CENPE: variants seen among roughly 807,000 people sequenced by gnomAD.
CENPE encodes centromere protein E, also known as centromere-associated protein E.
Under a neutral mutation model 336.1 loss-of-function variants are expected in CENPE, and 145 were observed. That is an observed-to-expected ratio of 0.43 (90% CI 0.38 to 0.50). The LOEUF is 0.50. Among genes scored for constraint, CENPE ranks in the 20% least tolerant of loss-of-function variants. CENPE has a pLI of 0.00. For synonymous variants in CENPE, 1,013 were observed against 984.8 expected, an observed-to-expected ratio of 1.03 and a Z score of -0.54; for missense variants, 2,719 against 3,023.3, an observed-to-expected ratio of 0.90 and a Z score of 2.36.
At chr4:103,181,218 T>C (rs2126020028) in intron 12 of CENPE, 119 bp downstream of exon 12, 2 of 616,796 alleles carry the variant, frequency 3.2e-6, no homozygotes, top group Non-Finnish European at 4.9e-6. Context: ...TTAAAAGTGA[T>C]TAAAAACCTA....
At chr4:103,121,159 A>G (rs1750585912) in intron 43 of CENPE, among the ~76,000 whole-genome samples, 1 of 152,216 alleles carries the variant, frequency 6.6e-6, no homozygotes, top group Non-Finnish European at 1.5e-5. Context: ...AAACTTTTTC[A>G]GGTGTATCCT....
At chr4:103,183,645 T>C (rs553600276) in intron 9 of CENPE, among the ~76,000 whole-genome samples, 1 of 152,230 alleles carries the variant, frequency 6.6e-6, no homozygotes, top group Non-Finnish European at 1.5e-5. Context: ...TACAACCAAA[T>C]TAGCCTCTAA....
Position 103,145,574 on chromosome 4 carries a change from T to C in CENPE, c.4521A>G (p.Ile1507Met). The C allele has an allele frequency of 6.2e-7, 1 of 1,609,894 alleles. No individual in the cohort carries two copies. The change falls in exon 31 of 49, where the codon ATA becomes ATG. Residue 1507 changes from isoleucine (I) to methionine (M), a missense_variant. Physicochemically the swap from Ile to Met is conservative, Grantham distance 10 (BLOSUM62 1). This residue lies in a region of CENPE where 2,437 missense variants were observed against 2,513.3 expected (regional missense o/e 0.97). Transcript: ENST00000265148. ...RVNLSEKETE[I>M]STIQKQLEAI... ...CTTCTAACTGCTTTTGAATGGTTGA[T>C]ATTTCAGTTTCCTTCTCTGAAAGAT...
chr4:103,180,248 CAT>C, intron 13 of CENPE, 61 bp downstream of exon 13: 18 of 1,432,428 alleles, frequency 1.3e-5, no homozygotes, highest in Non-Finnish European at 1.7e-5. Context: ...ATATAATAAA[CAT>C]ATAGAAATAC....
chr4:103,147,687 T>C, intron 28 of CENPE, 41 bp from the exon 29 acceptor site: 2 of 1,549,144 alleles, frequency 1.3e-6, no homozygotes, highest in Non-Finnish European at 1.7e-6. Flanking sequence ...TATCAGGAGA[T>C]TATGATCATA....
chr4:103,164,813 T>C (rs1003201442), intron 16 of CENPE, among the ~76,000 whole-genome samples: 1 of 152,146 alleles, frequency 6.6e-6, no homozygotes, highest in African/African-American at 2.4e-5. Flanking sequence ...CTTAGACATT[T>C]GTACTGCTTT....
In CENPE at chr4:103,176,886, A is replaced by G. The variant is rs1458593357; in HGVS notation, c.1390+13T>C. On this transcript the variant is annotated intron_variant, in intron 14 of 48. Transcript: ENST00000265148. Reference sequence around the variant, plus strand: ...TATAATTAAACATAGTTCCACTTGAAAAAAGCACTCACATTCATCAATTTC... The same window carrying G: ...TATAATTAAACATAGTTCCACTTGAGAAAAGCACTCACATTCATCAATTTC... 1 of 1,558,852 alleles carries G rather than the reference A, an allele frequency of 6.4e-7. No individual in the cohort carries two copies. Among genetic ancestry groups the G allele is most frequent in the South Asian group, 1.2e-5 (1 of 84,036 alleles).
chr4:103,185,740 C>G, intron 9 of CENPE, 70 bp downstream of exon 9: 2 of 901,448 alleles, frequency 2.2e-6, no homozygotes, highest in Non-Finnish European at 3.4e-6. Context: ...CTAAAAATGC[C>G]TGGTAGTACT....
chr4:103,135,402 G>C (rs1476700980), intron 40 of CENPE, among the ~76,000 whole-genome samples: 1 of 151,780 alleles, frequency 6.6e-6, no homozygotes, highest in Non-Finnish European at 1.5e-5. Context: ...TTTTATTTTT[G>C]AATCTCAGTT....
intron 36 of CENPE, 50 bp downstream of exon 36, chr4:103,140,764 T>C (rs752951865): frequency 1.5e-5 from 22 of 1,475,600 alleles, no homozygotes; most frequent in Admixed American, 2.3e-5. Flanking sequence ...ACTGTATTTT[T>C]GCCCAAATAT....
In CENPE at chr4:103,132,886, T is replaced by C. The variant is rs1751712351; in HGVS notation, c.6731A>G (p.Lys2244Arg). 1 of 1,433,804 alleles carries C rather than the reference T, an allele frequency of 7.0e-7. No individual in the cohort carries two copies. Among genetic ancestry groups the C allele is most frequent in the South Asian group, 1.7e-5 (1 of 58,802 alleles). 88.8% of individuals were successfully genotyped at this position (1,433,804 alleles called of 1,614,324 possible). A position where few individuals can be genotyped will look rare whatever the true frequency, so the allele number is the denominator to read the frequency against. Residue 2244 changes from lysine to arginine, a missense_variant, in exon 42 of 49, where the codon AAA (lysine) becomes AGA (arginine). Physicochemically the swap from Lys to Arg is conservative, Grantham distance 26 (BLOSUM62 2). Coordinates refer to ENST00000265148, the MANE Select transcript of CENPE (RefSeq NM_001813.3). ...AGGGAACTCACTTTCTGAGAAATCT[T>C]TGAGAATTTCCTGTGTGAAAAATAA... is the stretch of plus-strand genomic sequence containing the variant. ...NMDLHIEEIL[K>R]DFSESEFPSI...
intron 44 of CENPE, 108 bp from the exon 45 acceptor site, chr4:103,116,797 G>A: frequency 1.8e-6 from 1 of 560,176 alleles, no homozygotes; most frequent in Non-Finnish European, 3.1e-6. Context: ...TTTTAAAATA[G>A]CAAACAATTC....
At chr4:103,112,537 C>T (rs1749562997) in intron 46 of CENPE, among the ~76,000 whole-genome samples, 1 of 141,430 alleles carries the variant, frequency 7.1e-6, no homozygotes, top group South Asian at 2.2e-4. Context: ...TACATATATA[C>T]ACTTATAAGT....
chr4:103,169,323 T>C (rs1159850163), intron 16 of CENPE, among the ~76,000 whole-genome samples: 1 of 150,106 alleles, frequency 6.7e-6, no homozygotes, highest in African/African-American at 2.4e-5. Flanking sequence ...GTCACTGCAG[T>C]TCAAGTAGAG....
intron 42 of CENPE, among the ~76,000 whole-genome samples, chr4:103,124,153 GC>G (rs2125874293): frequency 6.6e-6 from 1 of 152,224 alleles, no homozygotes; most frequent in Admixed American, 6.5e-5. Context: ...ACCATCCATG[GC>G]ATCCCCTCGG....
In CENPE at chr4:103,145,570, T is replaced by G. The variant is rs766885349; in HGVS notation, c.4525A>C (p.Thr1509Pro). Residue 1509 changes from threonine (T) to proline (P), a missense_variant, in exon 31 of 49, where the codon ACC (threonine) becomes CCC (proline). Around this residue, in one of 5 missense-constraint regions of CENPE, gnomAD observed 2,437 missense variants for 2,513.3 expected, o/e 0.97. Coordinates refer to ENST00000265148, the MANE Select transcript of CENPE (RefSeq NM_001813.3). ...NLSEKETEIS[T>P]IQKQLEAIND... Reference sequence around the variant, plus strand: ...ATTGCTTCTAACTGCTTTTGAATGGTTGATATTTCAGTTTCCTTCTCTGAA... The same window carrying G: ...ATTGCTTCTAACTGCTTTTGAATGGGTGATATTTCAGTTTCCTTCTCTGAA... 6.2e-7 allele frequency: 1 copy of G among 1,609,330 alleles called. No homozygotes were observed. The highest frequency in any genetic ancestry group is 8.5e-7 in the Non-Finnish European group (1 of 1,178,224).
chr4:103,174,699 T>A (rs1755707226), intron 16 of CENPE, 37 bp downstream of exon 16: 1 of 1,357,072 alleles, frequency 7.4e-7, no homozygotes, highest in African/African-American at 1.5e-5. Context: ...TTTAAAAGTA[T>A]GCTTTTAGTT....
At chr4:103,142,018 T>G (rs1481586296) in intron 34 of CENPE, 110 bp from the exon 35 acceptor site, 4 of 688,826 alleles carry the variant, frequency 5.8e-6, no homozygotes, top group African/African-American at 3.7e-5. Context: ...ACTCTATATC[T>G]TTGCTGTTGT....
At chr4:103,177,158 A>C in intron 13 of CENPE, 112 bp from the exon 14 acceptor site, 1 of 868,016 alleles carries the variant, frequency 1.2e-6, no homozygotes, top group Non-Finnish European at 1.7e-6. Context: ...ATTCTTATTA[A>C]GCCTAGTTTA....
Sources: gnomAD v4.1 joint callset for allele counts (sites outside exome capture counted in the v4.1 genomes callset) on GRCh38, gnomAD v4.1.1 for gene constraint, gnomAD v4.1.1 regional missense constraint, MANE v1.5 for transcripts, NCBI Gene and HGNC (gene_info 2026-07-23, HGNC 2026-07-21) for gene names.